Variants in TMEM108 observed in about 807,000 individuals in gnomAD.
The protein encoded by TMEM108 is cancer/testis antigen 124.
TMEM108 carries 12 observed loss-of-function variants against 35.1 expected under a neutral mutation model. That is an observed-to-expected ratio of 0.34 (90% CI 0.22 to 0.55). The LOEUF (loss-of-function observed/expected upper bound fraction) is 0.55. Among genes scored for constraint, TMEM108 ranks in the 20% least tolerant of loss-of-function variants. The probability of loss-of-function intolerance (pLI) is 0.89; values close to 1 mark genes in which losing one functional copy is unlikely to be tolerated. For missense variants in TMEM108, 680 were observed against 753.3 expected, an observed-to-expected ratio of 0.90 and a Z score of 1.14; for synonymous variants, 287 against 308.6, an observed-to-expected ratio of 0.93 and a Z score of 0.73.
chr3:133,061,212 CT>C (rs778632376), intron 2 of TMEM108, among the ~76,000 whole-genome samples: 206 of 129,974 alleles, frequency 1.6e-3, no homozygotes, highest in African/African-American at 1.2e-3. Context: ...GGCATGTCTC[CT>C]TTTTTTTTTT....
chr3:133,099,611 T>G (rs1422179972), intron 2 of TMEM108, among the ~76,000 whole-genome samples: 1 of 152,226 alleles, frequency 6.6e-6, no homozygotes, highest in Non-Finnish European at 1.5e-5. Context: ...TTGAGTGCTT[T>G]GCTGCTTAGA....
At chr3:133,312,516 C>T (rs189838244) in intron 3 of TMEM108, among the ~76,000 whole-genome samples, 1 of 152,260 alleles carries the variant, frequency 6.6e-6, no homozygotes, top group Non-Finnish European at 1.5e-5. Context: ...GAGCAAGGCT[C>T]TGTGGGTGTG....
At chr3:133,371,101 G>A (rs374269104) in intron 3 of TMEM108, among the ~76,000 whole-genome samples, 5 of 152,154 alleles carry the variant, frequency 3.3e-5, no homozygotes, top group African/African-American at 9.7e-5. Context: ...AAATCAGCCC[G>A]TTGAGCTCCA....
chr3:133,174,038 T>G (rs1433443978), intron 2 of TMEM108, among the ~76,000 whole-genome samples: 1 of 152,224 alleles, frequency 6.6e-6, no homozygotes, highest in African/African-American at 2.4e-5. Context: ...TATATCCCGC[T>G]CCTGGCTCAG....
intron 3 of TMEM108, among the ~76,000 whole-genome samples, chr3:133,306,542 G>T (rs577882155): frequency 2.6e-5 from 4 of 152,162 alleles, no homozygotes; most frequent in Admixed American, 2.6e-4. Flanking sequence ...ACAGTTCCCA[G>T]TGTGTGATGT....
intron 3 of TMEM108, among the ~76,000 whole-genome samples, chr3:133,328,080 T>A (rs1344272987): frequency 6.6e-6 from 1 of 152,132 alleles, no homozygotes; most frequent in Non-Finnish European, 1.5e-5. Flanking sequence ...CTCATGTCAG[T>A]GTGTTGTGTT....
chr3:133,113,129 G>A (rs1944246025), intron 2 of TMEM108, among the ~76,000 whole-genome samples: 1 of 152,072 alleles, frequency 6.6e-6, no homozygotes, highest in African/African-American at 2.4e-5. Context: ...GTGGAAGGAG[G>A]GTTTTCCTGA....
At chr3:133,384,829 A>G (rs1404461489) in intron 4 of TMEM108, among the ~76,000 whole-genome samples, 2 of 152,198 alleles carry the variant, frequency 1.3e-5, no homozygotes, top group African/African-American at 4.8e-5. Context: ...GCCTTCACCC[A>G]TCCTCCCTGC....
chr3:133,041,358 G>A (rs972021819), intron 1 of TMEM108, among the ~76,000 whole-genome samples: 1 of 152,016 alleles, frequency 6.6e-6, no homozygotes, highest in African/African-American at 2.4e-5. Context: ...CCTTCACTTG[G>A]CTCATGTCAC....
At chr3:133,124,662 G>A (rs900185056) in intron 2 of TMEM108, among the ~76,000 whole-genome samples, 3 of 152,280 alleles carry the variant, frequency 2.0e-5, no homozygotes, top group Middle Eastern at 3.4e-3. Context: ...CCTTTTAGAG[G>A]GGCTGGAACA....
At chr3:133,370,887 T>TGG (rs1190978805) in intron 3 of TMEM108, among the ~76,000 whole-genome samples, 6 of 128,924 alleles carry the variant, frequency 4.7e-5, no homozygotes, top group African/African-American at 1.8e-4. Context: ...TGTGTGTGTG[T>TGG]GTGTGTGTGT....
intron 2 of TMEM108, among the ~76,000 whole-genome samples, chr3:133,089,559 G>A (rs934589779): frequency 6.6e-6 from 1 of 152,144 alleles, no homozygotes; most frequent in African/African-American, 2.4e-5. Context: ...CCAATTATAG[G>A]TTGTCACTTC....
intron 3 of TMEM108, among the ~76,000 whole-genome samples, chr3:133,289,279 A>G (rs1947029561): frequency 6.6e-6 from 1 of 152,276 alleles, no homozygotes; most frequent in South Asian, 2.1e-4. Flanking sequence ...TTTGAGGTAG[A>G]TATTATTCTT....
At chr3:133,307,207 T>A (rs562815853) in intron 3 of TMEM108, among the ~76,000 whole-genome samples, 1 of 152,318 alleles carries the variant, frequency 6.6e-6, no homozygotes, top group African/African-American at 2.4e-5. Context: ...TTGCCCACTT[T>A]ATGATGGGAT....
intron 3 of TMEM108, among the ~76,000 whole-genome samples, chr3:133,260,181 A>G (rs900522770): frequency 6.6e-6 from 1 of 152,158 alleles, no homozygotes; most frequent in Non-Finnish European, 1.5e-5. Context: ...CACTAAGAAT[A>G]TTGGATACCT....
intron 3 of TMEM108, among the ~76,000 whole-genome samples, chr3:133,316,131 A>G (rs972485487): frequency 2.0e-5 from 3 of 152,258 alleles, no homozygotes; most frequent in Admixed American, 6.5e-5. Flanking sequence ...TTCATCACAC[A>G]AAATAAGGCG....
intron 3 of TMEM108, among the ~76,000 whole-genome samples, chr3:133,238,891 CAG>C (rs1182339678): frequency 6.6e-6 from 1 of 152,146 alleles, no homozygotes; most frequent in Non-Finnish European, 1.5e-5. Flanking sequence ...ACATAAGAGT[CAG>C]AGTCATTTCC....
chr3:133,198,909 C>T (rs1945619427), intron 2 of TMEM108, among the ~76,000 whole-genome samples: 1 of 152,178 alleles, frequency 6.6e-6, no homozygotes. Context: ...TCCATTCTCC[C>T]TGTCACTTTC....
intron 3 of TMEM108, among the ~76,000 whole-genome samples, chr3:133,236,493 A>C (rs1946239751): frequency 2.0e-5 from 3 of 152,226 alleles, no homozygotes; most frequent in South Asian, 4.1e-4. Flanking sequence ...ACACACACAC[A>C]CAAATCCATA....
Sources: allele counts gnomAD v4.1 joint callset (sites outside exome capture counted in the v4.1 genomes callset), GRCh38; gene constraint gnomAD v4.1.1; transcripts MANE v1.5; gene names NCBI Gene and HGNC (gene_info 2026-07-23, HGNC 2026-07-21).